The following NRG1 variants were observed in gnomAD, a reference collection of about 807,000 sequenced individuals.
NRG1 encodes the protein pro-neuregulin-1, membrane-bound isoform.
In NRG1, 18 loss-of-function variants were observed where a neutral mutation model predicts 63.8. The ratio of observed to expected loss-of-function variants is 0.28; its 90% CI spans 0.19 to 0.42. The LOEUF (loss-of-function observed/expected upper bound fraction) is 0.42. Ranked by LOEUF, NRG1 falls within the 10% of genes least tolerant of loss-of-function variation. NRG1 has a pLI of 1.00. For missense variants in NRG1, 762 were observed against 814.7 expected (o/e 0.94, Z 0.79); for synonymous variants, 302 against 301.3 (o/e 1.00, Z -0.02).
At chr8:32,450,447 C>T (rs190348518) in intron 1 of NRG1, among the ~76,000 whole-genome samples, 341 of 152,170 alleles carry the variant, frequency 2.2e-3, no homozygotes, top group Non-Finnish European at 3.4e-3. Context: ...GACAGGGTCT[C>T]GCTCTGCCAC....
intron 1 of NRG1, among the ~76,000 whole-genome samples, chr8:31,658,407 C>G (rs1805637770): frequency 6.6e-6 from 1 of 152,162 alleles, no homozygotes; most frequent in Non-Finnish European, 1.5e-5. Context: ...TCTCTCAGAT[C>G]AGTGAGTACC....
chr8:32,285,619 A>T (rs1413444339), intron 1 of NRG1, among the ~76,000 whole-genome samples: 1 of 152,168 alleles, frequency 6.6e-6, no homozygotes, highest in Non-Finnish European at 1.5e-5. Flanking sequence ...GTTAGCAATT[A>T]ATATGGTATT....
intron 1 of NRG1, among the ~76,000 whole-genome samples, chr8:31,856,404 T>C (rs1215621749): frequency 2.6e-5 from 4 of 152,256 alleles, no homozygotes; most frequent in Non-Finnish European, 4.4e-5. Flanking sequence ...GTTGATTGCA[T>C]TGGCTCTTGA....
intron 1 of NRG1, among the ~76,000 whole-genome samples, chr8:31,739,138 CT>C (rs1815003540): frequency 6.6e-6 from 1 of 152,058 alleles, no homozygotes; most frequent in Admixed American, 6.6e-5. Flanking sequence ...ATTTCTGGCT[CT>C]ACTCCCATGA....
chr8:32,439,641 A>T (rs1477422842), intron 1 of NRG1, among the ~76,000 whole-genome samples: 2 of 152,292 alleles, frequency 1.3e-5, no homozygotes, highest in East Asian at 3.9e-4. Context: ...ACAAAACATC[A>T]TATTAGCTAA....
intron 1 of NRG1, among the ~76,000 whole-genome samples, chr8:32,516,783 A>G (rs1829861845): frequency 6.6e-6 from 1 of 152,180 alleles, no homozygotes; most frequent in Non-Finnish European, 1.5e-5. Flanking sequence ...TCCATTAGCT[A>G]AAAGTCACGT....
At chr8:32,705,939 A>G (rs2128970934) in intron 5 of NRG1, among the ~76,000 whole-genome samples, 1 of 152,266 alleles carries the variant, frequency 6.6e-6, no homozygotes, top group Non-Finnish European at 1.5e-5. Context: ...TCCCCATTTT[A>G]TCTTTGACTA....
intron 1 of NRG1, among the ~76,000 whole-genome samples, chr8:32,573,836 A>T (rs1397612245): frequency 1.3e-5 from 2 of 151,880 alleles, no homozygotes; most frequent in African/African-American, 4.8e-5. Flanking sequence ...CGGTATGTGA[A>T]ATTCCCCTTC....
intron 5 of NRG1, among the ~76,000 whole-genome samples, chr8:32,693,889 C>G (rs1457451753): frequency 6.6e-6 from 1 of 152,194 alleles, no homozygotes; most frequent in Non-Finnish European, 1.5e-5. Context: ...CAAGTTAGCT[C>G]TATAGACCCT....
chr8:32,037,774 C>A (rs1042511018), intron 1 of NRG1, among the ~76,000 whole-genome samples: 33 of 152,314 alleles, frequency 2.2e-4, no homozygotes, highest in African/African-American at 7.5e-4. Flanking sequence ...GTCTCGCTGG[C>A]ACCTGCAGCA....
At chr8:32,555,534 C>G (rs1284949721) in intron 1 of NRG1, among the ~76,000 whole-genome samples, 12 of 152,294 alleles carry the variant, frequency 7.9e-5, no homozygotes, top group Admixed American at 2.6e-4. Context: ...TGCAGTGGTG[C>G]CATCTCGACT....
rs372214449 is a variant in NRG1 at position 32,550,310 on chromosome 8, A to C, written c.100+1484A>C. On this transcript the variant is annotated intron_variant, in intron 1 of 11. Coordinates refer to ENST00000356819, the Ensembl canonical transcript of NRG1. ...ATAGCACTTTATTCAACAAGATAGGAAATTGGGGAGCTGGATTAGTTACCT... is the reference window on the plus strand; with the variant it reads ...ATAGCACTTTATTCAACAAGATAGGCAATTGGGGAGCTGGATTAGTTACCT... Among the ~76,000 whole-genome samples the C allele has an allele frequency of 2.2e-4, 34 of 152,244 alleles. 3 individuals carry two copies. The highest frequency in any genetic ancestry group is 1.7e-3 in the East Asian group (9 of 5,168).
chr8:31,828,365 G>C (rs1173603229), intron 1 of NRG1, among the ~76,000 whole-genome samples: 1 of 152,144 alleles, frequency 6.6e-6, no homozygotes, highest in Non-Finnish European at 1.5e-5. Flanking sequence ...AATTGACTGA[G>C]CTGGAGCCTG....
chr8:31,855,190 C>T (rs1269206637), intron 1 of NRG1, among the ~76,000 whole-genome samples: 2 of 152,118 alleles, frequency 1.3e-5, no homozygotes, highest in African/African-American at 4.8e-5. Context: ...TCTCGTTGAT[C>T]TGTCTAATGT....
chr8:31,826,225 A>C (rs1824540048), intron 1 of NRG1, among the ~76,000 whole-genome samples: 1 of 152,186 alleles, frequency 6.6e-6, no homozygotes, highest in Admixed American at 6.5e-5. Flanking sequence ...GAGCAGATTC[A>C]GCTGGCAGGA....
intron 1 of NRG1, among the ~76,000 whole-genome samples, chr8:31,710,942 T>C (rs1429200608): frequency 2.6e-5 from 4 of 152,136 alleles, no homozygotes; most frequent in South Asian, 4.1e-4. Context: ...TTGTTTTAAG[T>C]ATACTTCTGA....
At chr8:32,614,202 A>T (rs1163543753) in intron 3 of NRG1, among the ~76,000 whole-genome samples, 1 of 151,966 alleles carries the variant, frequency 6.6e-6, no homozygotes, top group East Asian at 1.9e-4. Flanking sequence ...CCCTATTTCG[A>T]CTTTTCTTCC....
At chr8:32,616,458 G>A (rs1329711584) in intron 4 of NRG1, among the ~76,000 whole-genome samples, 2 of 152,008 alleles carry the variant, frequency 1.3e-5, no homozygotes, top group Non-Finnish European at 2.9e-5. Flanking sequence ...TGGAATCCAG[G>A]GGCTATTCTC....
intron 1 of NRG1, among the ~76,000 whole-genome samples, chr8:32,378,840 A>G (rs1809974264): frequency 6.7e-6 from 1 of 148,816 alleles, no homozygotes; most frequent in African/African-American, 2.5e-5. Context: ...TCATTGTTCA[A>G]TTCCCACCTA....
Sources: gnomAD v4.1 joint callset for allele counts (sites outside exome capture counted in the v4.1 genomes callset) on GRCh38, gnomAD v4.1.1 for gene constraint, MANE v1.5 for transcripts, NCBI Gene and HGNC (gene_info 2026-07-23, HGNC 2026-07-21) for gene names.